The following ARFGEF1 variants were observed in gnomAD, a reference collection of about 807,000 sequenced individuals.
The protein encoded by ARFGEF1 is brefeldin A-inhibited guanine nucleotide-exchange protein 1.
A neutral mutation model predicts 231.0 loss-of-function variants in ARFGEF1; 42 were observed. The ratio of observed to expected loss-of-function variants is 0.18; its 90% CI spans 0.14 to 0.24. The LOEUF (loss-of-function observed/expected upper bound fraction) is 0.24, where lower values mean the gene tolerates loss of function less well. ARFGEF1 is among the 10% of genes least tolerant of loss of function. ARFGEF1 has a pLI of 1.00. For synonymous variants in ARFGEF1, 710 were observed against 732.3 expected (o/e 0.97, Z 0.49); for missense variants, 1,345 against 2,192.0 (o/e 0.61, Z 7.72).
intron 5 of ARFGEF1, among the ~76,000 whole-genome samples, chr8:67,294,060 G>T (rs774364098): frequency 6.6e-6 from 1 of 151,846 alleles, no homozygotes; most frequent in Admixed American, 6.6e-5. Flanking sequence ...GAACAAACAT[G>T]TACAGACAAC....
chr8:67,317,345 A>G lies in ARFGEF1; in HGVS notation c.125-14879T>C, dbSNP rs560625222. 2.0e-5 allele frequency among the ~76,000 whole-genome samples: 3 copies of G among 152,292 alleles called. No individual in the cohort carries two copies. The South Asian group carries it at 6.2e-4, about 32-fold the overall frequency. On this transcript the variant is annotated intron_variant, in intron 1 of 38. Transcript: ENST00000262215. ...GCTTGTGGTCTGGAAACTCTCAAGC[A>G]TTAGCTGGTATCTGAAGTGAAAACA...
At chr8:67,275,389 A>C (rs1021978074) in intron 9 of ARFGEF1, among the ~76,000 whole-genome samples, 3 of 152,094 alleles carry the variant, frequency 2.0e-5, no homozygotes, top group African/African-American at 4.8e-5. Flanking sequence ...TTTCATGAAA[A>C]TTAGACAAGT....
intron 5 of ARFGEF1, among the ~76,000 whole-genome samples, chr8:67,185,335 C>A (rs1834287764): frequency 6.6e-6 from 1 of 152,176 alleles, no homozygotes; most frequent in Admixed American, 6.5e-5. Context: ...AAGATTATCA[C>A]TTTAAGATGG....
chr8:67,286,297 G>A (rs1028431314), intron 7 of ARFGEF1, among the ~76,000 whole-genome samples: 1 of 152,174 alleles, frequency 6.6e-6, no homozygotes, highest in Non-Finnish European at 1.5e-5. Flanking sequence ...AGGACACACA[G>A]GTGTTCACTG....
chr8:67,176,214 G>T (rs1055323939), intron 5 of ARFGEF1, among the ~76,000 whole-genome samples: 2 of 152,096 alleles, frequency 1.3e-5, no homozygotes, highest in African/African-American at 4.8e-5. Flanking sequence ...GGCCATCGAG[G>T]TTAACCATGG....
At chr8:67,325,790 C>G (rs1807806419) in intron 1 of ARFGEF1, among the ~76,000 whole-genome samples, 1 of 152,152 alleles carries the variant, frequency 6.6e-6, no homozygotes, top group African/African-American at 2.4e-5. Context: ...GGAAGGAAGA[C>G]AGAAGTGCAT....
chr8:67,218,228 AT>A (rs1587065191), intron 30 of ARFGEF1, 90 bp from the exon 31 acceptor site: 1 of 242,862 alleles, frequency 4.1e-6, no homozygotes, highest in Non-Finnish European at 6.9e-6. Flanking sequence ...ATATATATAT[AT>A]ATATAAATGT....
intron 33 of ARFGEF1, among the ~76,000 whole-genome samples, chr8:67,213,567 GTACTTAAGCCAGA>G (rs1321503741): frequency 6.6e-6 from 1 of 152,152 alleles, no homozygotes. Flanking sequence ...AATATCCTAT[GTACTTAAGCCAGA>G]TACTTAAGTC....
chr8:67,186,850 A>T (rs1387987577), intron 5 of ARFGEF1, among the ~76,000 whole-genome samples: 1 of 152,242 alleles, frequency 6.6e-6, no homozygotes, highest in Non-Finnish European at 1.5e-5. Context: ...AATATATAAA[A>T]GTCAGTCACT....
intron 18 of ARFGEF1, among the ~76,000 whole-genome samples, chr8:67,252,279 T>C (rs552970786): frequency 5.6e-4 from 39 of 69,934 alleles, no homozygotes; most frequent in African/African-American, 2.5e-3. Flanking sequence ...CAAAACTCCA[T>C]CTCAAAAAAA....
At chr8:67,241,423 G>C (rs780344163) in intron 19 of ARFGEF1, among the ~76,000 whole-genome samples, 1 of 152,074 alleles carries the variant, frequency 6.6e-6, no homozygotes, top group Non-Finnish European at 1.5e-5. Context: ...CTATTTGGAA[G>C]CCTGTGTTAT....
chr8:67,315,896 A>G (rs930494889), intron 1 of ARFGEF1, among the ~76,000 whole-genome samples: 2 of 152,082 alleles, frequency 1.3e-5, no homozygotes, highest in African/African-American at 2.4e-5. Context: ...CCCAAATCTA[A>G]GCTCCCACCT....
intron 17 of ARFGEF1, 40 bp from the exon 18 acceptor site, chr8:67,253,662 T>C: frequency 8.6e-7 from 1 of 1,156,350 alleles, no homozygotes; most frequent in Non-Finnish European, 1.2e-6. Context: ...AAAATTAACA[T>C]AAAGGTTACA....
At chr8:67,204,342 C>T (rs1489173754) in intron 35 of ARFGEF1, among the ~76,000 whole-genome samples, 1 of 152,180 alleles carries the variant, frequency 6.6e-6, no homozygotes, top group African/African-American at 2.4e-5. Flanking sequence ...TGATCACATG[C>T]TTCTTCTTAA....
At chr8:67,275,924 A>T in intron 9 of ARFGEF1, 52 bp downstream of exon 9, 1 of 1,602,642 alleles carries the variant, frequency 6.2e-7, no homozygotes. Flanking sequence ...CTTAACAGTA[A>T]GTTTCAAGCC....
chr8:67,269,784 T>G (rs1365389664), intron 10 of ARFGEF1, among the ~76,000 whole-genome samples: 1 of 152,188 alleles, frequency 6.6e-6, no homozygotes, highest in African/African-American at 2.4e-5. Context: ...AATTAGAATA[T>G]TATAATAATT....
At chr8:67,331,500 C>T (rs1808097039) in intron 1 of ARFGEF1, among the ~76,000 whole-genome samples, 1 of 152,112 alleles carries the variant, frequency 6.6e-6, no homozygotes, top group Non-Finnish European at 1.5e-5. Flanking sequence ...TCTGTCAGCA[C>T]CTTGATCTTT....
intron 3 of ARFGEF1, 54 bp from the exon 4 acceptor site, chr8:67,299,409 T>C: frequency 6.8e-7 from 1 of 1,463,842 alleles, no homozygotes; most frequent in Non-Finnish European, 9.3e-7. Flanking sequence ...ATATTATACA[T>C]ACTAATGCAA....
chr8:67,199,317 T>A, intron 38 of ARFGEF1: 1 of 466,358 alleles, frequency 2.1e-6, no homozygotes, highest in African/African-American at 2.1e-5. Context: ...TGAAAAACAT[T>A]TGTCTGTATA....
Sources: gnomAD v4.1 joint callset for allele counts (sites outside exome capture counted in the v4.1 genomes callset) on GRCh38, gnomAD v4.1.1 for gene constraint, MANE v1.5 for transcripts, NCBI Gene and HGNC (gene_info 2026-07-23, HGNC 2026-07-21) for gene names.